Variants in MAST3 observed in about 807,000 individuals in gnomAD.
The protein encoded by MAST3 is microtubule associated serine/threonine kinase 3, also known as microtubule-associated serine/threonine-protein kinase 3.
A neutral mutation model predicts 127.0 loss-of-function variants in MAST3; 43 were observed. The ratio of observed to expected loss-of-function variants is 0.34; its 90% CI spans 0.27 to 0.44. The LOEUF is 0.44. Ranked by LOEUF, MAST3 falls within the 20% of genes least tolerant of loss-of-function variation. The pLI, the probability that MAST3 is intolerant of heterozygous loss-of-function variation, is 1.00. For synonymous variants in MAST3, 785 were observed against 809.2 expected (o/e 0.97, Z 0.51); for missense variants, 1,390 against 1,919.1 (o/e 0.72, Z 5.15).
intron 1 of MAST3, among the ~76,000 whole-genome samples, chr19:18,106,698 A>C (rs1487046438): frequency 6.6e-6 from 1 of 151,426 alleles, no homozygotes; most frequent in Non-Finnish European, 1.5e-5. Context: ...TAGTCTCCCA[A>C]GTAGCTGGAA....
chr19:18,131,106 G>A (rs934567127), intron 14 of MAST3, among the ~76,000 whole-genome samples: 4 of 152,220 alleles, frequency 2.6e-5, no homozygotes, highest in African/African-American at 7.2e-5. Flanking sequence ...TTGCTGCCCT[G>A]TCGGGGAGAA....
At chr19:18,124,423 A>G (rs1247408884) in intron 10 of MAST3, 57 bp downstream of exon 10, 2 of 1,487,294 alleles carry the variant, frequency 1.3e-6, no homozygotes, top group Non-Finnish European at 1.8e-6. Context: ...GATTGGGACC[A>G]CAACAGTCCT....
intron 1 of MAST3, among the ~76,000 whole-genome samples, chr19:18,101,420 C>A (rs569241973): frequency 1.5e-4 from 23 of 149,870 alleles, no homozygotes; most frequent in African/African-American, 5.4e-4. Flanking sequence ...GCCATGTGGT[C>A]CATGCTGACT....
intron 3 of MAST3, among the ~76,000 whole-genome samples, chr19:18,118,712 C>T (rs984068142): frequency 5.9e-5 from 9 of 152,168 alleles, no homozygotes; most frequent in East Asian, 5.8e-4. Context: ...AAAGCCTCAC[C>T]GCTCTTGGAG....
chr19:18,105,699 A>G (rs550717858), intron 1 of MAST3, among the ~76,000 whole-genome samples: 7 of 152,188 alleles, frequency 4.6e-5, no homozygotes, highest in Admixed American at 2.6e-4. Context: ...ACAACAAAAA[A>G]AAACCCTCTT....
rs988591033 is a variant in MAST3, at chr19:18,130,653, C to T, written c.1383C>T (p.Cys461=). ...ACCCCTTTGTGGTCAGCATGTTCTG[C>T]TCCTTTGAGACCCGGCGCCACCTAT... ...AENPFVVSMF[C]SFETRRHLCM... The change falls in exon 14 of 28, where the codon TGC becomes TGT. Residue 461 remains cysteine (C), a synonymous_variant. Transcript: ENST00000687212. 6 of 1,614,118 alleles carry T rather than the reference C, an allele frequency of 3.7e-6. No individual in the cohort carries two copies. The South Asian group carries it at 5.5e-5, about 15-fold the overall frequency.
chr19:18,138,380 G>C, intron 19 of MAST3, among the ~76,000 whole-genome samples: 1 of 150,830 alleles, frequency 6.6e-6, no homozygotes. Context: ...GCAGTGGCGC[G>C]ATCTCGGCTT....
chr19:18,145,166 C>G lies in MAST3; in HGVS notation c.2976C>G (p.Ser992Arg). ...IHSSGKKYGF[S>R]LRAIRVYMGD... is the part of the protein sequence containing the mutation. Reference sequence around the variant, plus strand: ...GCTCTGGCAAGAAGTACGGCTTCAGCCTGCGGGCGATCCGCGTCTACATGG... The same window carrying G: ...GCTCTGGCAAGAAGTACGGCTTCAGGCTGCGGGCGATCCGCGTCTACATGG... The change falls in exon 24 of 28, where the codon AGC (serine) becomes AGG (arginine). Residue 992 changes from serine to arginine, a missense_variant. Transcript: ENST00000687212. The surrounding 1 kb of genome is among the most constrained non-coding windows in gnomAD (Gnocchi z 5.9). The G allele has an allele frequency of 6.2e-7, 1 of 1,613,980 alleles. No homozygotes were observed. Among genetic ancestry groups the G allele is most frequent in the Non-Finnish European group, 8.5e-7 (1 of 1,179,896 alleles).
intron 10 of MAST3, 85 bp from the exon 11 acceptor site, chr19:18,124,557 G>C: frequency 6.7e-7 from 1 of 1,485,384 alleles, no homozygotes; most frequent in Non-Finnish European, 9.0e-7. Context: ...GAGCTGGGAA[G>C]GGTGCTCCAG....
intron 26 of MAST3, among the ~76,000 whole-genome samples, 193 bp downstream of exon 26, chr19:18,147,237 G>C (rs1438936314): frequency 1.3e-5 from 2 of 151,214 alleles, no homozygotes; most frequent in Non-Finnish European, 2.9e-5. Flanking sequence ...CTAAGTAACT[G>C]GGACTACGGC....
Position 18,150,005 on chromosome 19 carries a change from G to C in MAST3, c.*279G>C. On this transcript the variant is annotated 3_prime_UTR_variant, in exon 28 of 28. Coordinates refer to ENST00000687212, the MANE Select transcript of MAST3 (RefSeq NM_001393504.1). ...TTTTTCTTTTTTTTTTTTTTTTTTT[G>C]AGACAGAGTCTCACTCTGTTGCCCG... is the stretch of plus-strand genomic sequence containing the variant. The C allele has an allele frequency of 4.1e-6, 1 of 245,160 alleles. No homozygotes were observed. The highest frequency in any genetic ancestry group is 7.1e-6 in the Non-Finnish European group (1 of 141,658). The allele number at this position is 245,160 out of a possible 1,614,324, so 15.2% of individuals were successfully genotyped here.
intron 1 of MAST3, among the ~76,000 whole-genome samples, chr19:18,099,992 G>T (rs1290626255): frequency 6.6e-6 from 1 of 152,108 alleles, no homozygotes; most frequent in Non-Finnish European, 1.5e-5. Flanking sequence ...CTAGGAGCAG[G>T]AGTGGGGGAA....
At chr19:18,121,174 G>A (rs2039936294) in intron 3 of MAST3, among the ~76,000 whole-genome samples, 2 of 151,896 alleles carry the variant, frequency 1.3e-5, no homozygotes, top group Admixed American at 1.3e-4. Flanking sequence ...GTTTTTTTAA[G>A]AGAGAGGGCC....
intron 19 of MAST3, 130 bp downstream of exon 19, chr19:18,137,491 T>A: frequency 9.9e-7 from 1 of 1,012,374 alleles, no homozygotes; most frequent in South Asian, 1.6e-5. Context: ...AGCTTCCGAC[T>A]TCCTGAGCCT....
At chr19:18,134,267 A>G (rs533702707) in intron 15 of MAST3, among the ~76,000 whole-genome samples, 47 of 152,316 alleles carry the variant, frequency 3.1e-4, no homozygotes, top group Admixed American at 2.7e-3. Flanking sequence ...CACACACAGT[A>G]GAGACCAGGC....
intron 21 of MAST3, among the ~76,000 whole-genome samples, chr19:18,143,300 G>A (rs759413338): frequency 6.6e-6 from 1 of 152,140 alleles, no homozygotes; most frequent in East Asian, 1.9e-4. Context: ...AGGAAGCCGG[G>A]TGCAGTGGCT....
At chr19:18,137,633 G>A (rs2042016892) in intron 19 of MAST3, among the ~76,000 whole-genome samples, 1 of 152,182 alleles carries the variant, frequency 6.6e-6, no homozygotes, top group Non-Finnish European at 1.5e-5. Flanking sequence ...CCCTTGTCTG[G>A]GGTTCCCCAG....
At chr19:18,131,648 G>GAC (rs1173402489) in intron 14 of MAST3, among the ~76,000 whole-genome samples, 1 of 148,494 alleles carries the variant, frequency 6.7e-6, no homozygotes, top group Non-Finnish European at 1.5e-5. Context: ...GCAGTGAGCC[G>GAC]AGATCGCGCC....
intron 19 of MAST3, 109 bp downstream of exon 19, chr19:18,137,470 CT>C: frequency 7.9e-7 from 1 of 1,266,678 alleles, no homozygotes; most frequent in Non-Finnish European, 1.1e-6. Context: ...GGCACCTCAC[CT>C]TAGGCCTGGA....
Sources: allele counts gnomAD v4.1 joint callset (sites outside exome capture counted in the v4.1 genomes callset), GRCh38; gene constraint gnomAD v4.1.1; non-coding constraint Gnocchi (gnomAD v3.1); transcripts MANE v1.5; gene names NCBI Gene and HGNC (gene_info 2026-07-23, HGNC 2026-07-21).